ANO2: variants seen among roughly 807,000 people sequenced by gnomAD.
ANO2 encodes anoctamin 2.
A neutral mutation model predicts 124.2 loss-of-function variants in ANO2; 101 were observed. The ratio of observed to expected loss-of-function variants is 0.81; its 90% CI spans 0.69 to 0.96. The LOEUF (loss-of-function observed/expected upper bound fraction) is 0.96. Ranked by LOEUF, ANO2 falls within the 40% of genes least tolerant of loss-of-function variation. The pLI, the probability that ANO2 is intolerant of heterozygous loss-of-function variation, is 0.00. For synonymous variants in ANO2, 486 were observed against 482.5 expected (o/e 1.01, Z -0.09); for missense variants, 1,293 against 1,274.5 (o/e 1.01, Z -0.22).
chr12:5,852,625 G>A (rs1034387528), intron 4 of ANO2, among the ~76,000 whole-genome samples: 6 of 152,108 alleles, frequency 3.9e-5, no homozygotes, highest in South Asian at 4.1e-4. Flanking sequence ...TGAAAATGGT[G>A]TTGGCCAACA....
chr12:5,600,078 T>C (rs1185046467), intron 19 of ANO2, among the ~76,000 whole-genome samples: 1 of 152,196 alleles, frequency 6.6e-6, no homozygotes, highest in African/African-American at 2.4e-5. Flanking sequence ...AAGCTAAACA[T>C]TGCCCACCAC....
chr12:5,647,765 G>A lies in ANO2; in HGVS notation c.1582C>T (p.Pro528Ser), dbSNP rs910529887. The change falls in exon 15 of 25, where the codon CCA becomes TCA. Residue 528 changes from proline (P) to serine (S), a missense_variant. Transcript: ENST00000682330. ...EDKLTWKDRF[P>S]GYLMNFASIL... ...GAGGCAAAGTTCATCAGGTAACCTG[G>A]GAAACGATCCTTCCAGGTCAGTTTA... 4 of 1,610,540 alleles carry A rather than the reference G, an allele frequency of 2.5e-6. No individual in the cohort carries two copies. In the African/African-American group the frequency reaches 5.3e-5, roughly 21 times the overall value.
At chr12:5,628,647 T>C (rs1427147274) in intron 16 of ANO2, among the ~76,000 whole-genome samples, 2 of 151,562 alleles carry the variant, frequency 1.3e-5, no homozygotes, top group Non-Finnish European at 2.9e-5. Context: ...AGAACAGTGT[T>C]TGGTACAGGG....
intron 3 of ANO2, among the ~76,000 whole-genome samples, chr12:5,878,596 A>G (rs1438361495): frequency 6.6e-6 from 1 of 152,254 alleles, no homozygotes; most frequent in Non-Finnish European, 1.5e-5. Context: ...AACATAGACA[A>G]CATAGACAAA....
intron 1 of ANO2, among the ~76,000 whole-genome samples, chr12:5,934,962 A>C (rs1942586887): frequency 6.6e-6 from 1 of 152,080 alleles, no homozygotes; most frequent in Non-Finnish European, 1.5e-5. Flanking sequence ...CATAGCTCCC[A>C]CTCTCAGGCT....
intron 10 of ANO2, among the ~76,000 whole-genome samples, chr12:5,771,518 G>A (rs951133679): frequency 5.9e-5 from 6 of 102,150 alleles, no homozygotes; most frequent in African/African-American, 2.3e-4. Flanking sequence ...CGTGGCTTAT[G>A]CCTGTAATCC....
chr12:5,928,331 C>G (rs1023699072), intron 1 of ANO2, among the ~76,000 whole-genome samples: 1 of 152,218 alleles, frequency 6.6e-6, no homozygotes, highest in Non-Finnish European at 1.5e-5. Context: ...CAAAACCAGA[C>G]AGGCCCAGGG....
At chr12:5,633,033 G>C (rs1483164535) in intron 16 of ANO2, among the ~76,000 whole-genome samples, 2 of 152,178 alleles carry the variant, frequency 1.3e-5, no homozygotes, top group Non-Finnish European at 2.9e-5. Context: ...ACATGGAGCG[G>C]GTAGGGGACA....
intron 16 of ANO2, 127 bp from the exon 17 acceptor site, chr12:5,615,424 T>A: frequency 1.5e-6 from 1 of 675,668 alleles, no homozygotes; most frequent in Non-Finnish European, 2.5e-6. Flanking sequence ...GACCCATCTC[T>A]CTGGCACATT....
intron 10 of ANO2, among the ~76,000 whole-genome samples, chr12:5,775,213 C>T (rs766936220): frequency 6.6e-6 from 1 of 152,072 alleles, no homozygotes; most frequent in African/African-American, 2.4e-5. Flanking sequence ...GCTAATTTCA[C>T]CTCCCTTTTC....
At chr12:5,604,936 G>A (rs888404045) in intron 19 of ANO2, among the ~76,000 whole-genome samples, 15 of 147,052 alleles carry the variant, frequency 1.0e-4, no homozygotes, top group South Asian at 2.2e-4. Flanking sequence ...CTATTTTTCC[G>A]TCCCTTTTTA....
chr12:5,793,469 G>A (rs936297960), intron 10 of ANO2, among the ~76,000 whole-genome samples: 3 of 152,154 alleles, frequency 2.0e-5, no homozygotes, highest in African/African-American at 7.2e-5. Context: ...GTACAACAGG[G>A]CCAAGACAGC....
rs865822825 is a variant in ANO2 at position 5,921,392 on chromosome 12, G to A, written c.208-26C>T. ...CTGGCCAGAGAGAGAGGAGAGGCAGGGCAAGGTCTGGTGAGTAAGGGGTGA... is the reference window on the plus strand; with the variant it reads ...CTGGCCAGAGAGAGAGGAGAGGCAGAGCAAGGTCTGGTGAGTAAGGGGTGA... On this transcript the variant is annotated intron_variant, in intron 2 of 24. Transcript: ENST00000682330. The A allele has an allele frequency of 9.3e-6, 15 of 1,604,556 alleles. No individual in the cohort carries two copies. The Middle Eastern group carries it at 2.5e-3, about 266-fold the overall frequency.
chr12:5,723,412 T>C (rs1359941112), intron 14 of ANO2, among the ~76,000 whole-genome samples: 2 of 152,190 alleles, frequency 1.3e-5, no homozygotes, highest in Non-Finnish European at 2.9e-5. Context: ...CAGTTCTAAA[T>C]TGAAGTCCTA....
In ANO2 at chr12:5,945,252, G is replaced by C. The variant is rs778416752; in HGVS notation, c.-35C>G. ...GCAGACCCCGCCGGCCCGCGGCCGC[G>C]CGCTTCTGGGCAGGCTTATGCCGCC... On this transcript the variant is annotated 5_prime_UTR_variant, in exon 1 of 25. Transcript: ENST00000682330. The C allele has an allele frequency of 7.8e-7, 1 of 1,282,620 alleles. No homozygotes were observed. The highest frequency in any genetic ancestry group is 2.3e-5 in the Admixed American group (1 of 43,008). The allele number at this position is 1,282,620 out of a possible 1,614,324, so 79.5% of individuals were successfully genotyped here. A position where few individuals can be genotyped will look rare whatever the true frequency, so the allele number is the denominator to read the frequency against.
chr12:5,662,207 G>C (rs1020265607), intron 14 of ANO2, among the ~76,000 whole-genome samples: 1 of 152,260 alleles, frequency 6.6e-6, no homozygotes, highest in African/African-American at 2.4e-5. Context: ...CAAAGCATCT[G>C]CTTGACACAC....
Position 5,750,928 on chromosome 12 carries a change from C to A in ANO2, c.1098G>T (p.Leu366=). 9.3e-6 allele frequency: 15 copies of A among 1,609,398 alleles called. No homozygotes were observed. Among genetic ancestry groups the A allele is most frequent in the Non-Finnish European group, 1.2e-5 (14 of 1,177,598 alleles). Residue 366 remains leucine, a synonymous_variant, in exon 11 of 25, where the codon CTG becomes CTT. Transcript: ENST00000682330. ...GGATGAGGAATGATGTATATAATCC[C>A]AGCCAGGCAAAATACAGTCCAATTT... ...GEKIGLYFAW[L]GLYTSFLIPS...
upstream of ANO2, chr12:5,946,069 A>G (rs1943087896): frequency 2.0e-6 from 3 of 1,532,762 alleles, no homozygotes; most frequent in Non-Finnish European, 2.7e-6. The surrounding 1 kb of genome is among the most constrained non-coding windows in gnomAD (Gnocchi z 4.1). Flanking sequence ...GCACAGAAGT[A>G]AAACAAGTTC....
intron 10 of ANO2, among the ~76,000 whole-genome samples, chr12:5,756,252 G>T (rs1335835438): frequency 6.6e-6 from 1 of 151,838 alleles, no homozygotes; most frequent in East Asian, 1.9e-4. Flanking sequence ...TGATTTTGTT[G>T]ACATGTTATA....
Sources: allele counts gnomAD v4.1 joint callset (sites outside exome capture counted in the v4.1 genomes callset), GRCh38; gene constraint gnomAD v4.1.1; non-coding constraint Gnocchi (gnomAD v3.1); transcripts MANE v1.5; gene names NCBI Gene and HGNC (gene_info 2026-07-23, HGNC 2026-07-21).